BSG: variants seen among roughly 807,000 people sequenced by gnomAD.
BSG encodes basigin.
Under a neutral mutation model 43.1 loss-of-function variants are expected in BSG, and 37 were observed. That is an observed-to-expected ratio of 0.86 (90% CI 0.66 to 1.13). BSG has a LOEUF of 1.13. Ranked by LOEUF, BSG falls within the 50% of genes most tolerant of loss-of-function variation. The probability of loss-of-function intolerance (pLI) is 0.00; values close to 1 mark genes in which losing one functional copy is unlikely to be tolerated. For missense variants in BSG, 599 were observed against 554.2 expected (o/e 1.08, Z -0.81); for synonymous variants, 309 against 238.7 (o/e 1.29, Z -2.72).
chr19:582,651 TGTG>T (rs1272824190), intron 8 of BSG, 69 bp downstream of exon 8: 2 of 1,414,070 alleles, frequency 1.4e-6, no homozygotes, highest in South Asian at 2.6e-5. Context: ...CTGAGCCAGG[TGTG>T]GTGGGCGGGA....
chr19:579,265 GAAGGGGGTGCCTTCCC>G, intron 2 of BSG: 1 of 490,894 alleles, frequency 2.0e-6, no homozygotes, highest in East Asian at 4.8e-5. Flanking sequence ...GTGCCTTCCC[GAAGGGGGTGCCTTCCC>G]GAAGGGGCCT....
At chr19:579,450 G>A (rs2283574) in intron 2 of BSG, 50 bp from the exon 3 acceptor site, 180,571 of 1,606,442 alleles carry the variant, frequency 0.11, 12,536 homozygotes, top group South Asian at 0.27. Flanking sequence ...GGCAGGCAGC[G>A]CGGGCCGTGC....
In BSG at chr19:580,762, A is replaced by G; in HGVS notation, c.772A>G (p.Ile258Val). 6.2e-7 allele frequency: 1 copy of G among 1,609,120 alleles called. No homozygotes were observed. Among genetic ancestry groups the G allele is most frequent in the Non-Finnish European group, 8.5e-7 (1 of 1,178,954 alleles). Residue 258 changes from isoleucine to valine, a missense_variant, in exon 5 of 9, where the codon ATC becomes GTC. Coordinates refer to ENST00000333511, the MANE Select transcript of BSG (RefSeq NM_001728.4). ...TGTCACTGACTGGGCCTGGTACAAG[A>G]TCACTGACTCTGAGGACAAGGTGAG... Reference protein sequence around the residue: ...PPVTDWAWYKITDSEDKALMN... With the variant: ...PPVTDWAWYKVTDSEDKALMN...
chr19:578,334 A>C, intron 2 of BSG: 1 of 469,236 alleles, frequency 2.1e-6, no homozygotes, highest in Non-Finnish European at 3.7e-6. Flanking sequence ...CGGGGCAGGC[A>C]GGGCTCTGCC....
At position 580,460 on chromosome 19, in the gene BSG, C is replaced by T. The variant is rs1244674300; in HGVS notation, c.654C>T (p.His218=). Reference sequence around the variant, plus strand: ...TGGGCACGGCCAACATCCAGCTCCACGGTGAGTCCTGCAGCCAGGGGTACC... The same window carrying T: ...TGGGCACGGCCAACATCCAGCTCCATGGTGAGTCCTGCAGCCAGGGGTACC... ...EPMGTANIQL[H]GPPRVKAVKS... is the part of the protein sequence containing the mutation. The change falls in exon 4 of 9, where the codon CAC becomes CAT. Residue 218 remains histidine (H), a splice_region_variant and synonymous_variant. Transcript: ENST00000333511. 6.8e-6 allele frequency: 11 copies of T among 1,610,314 alleles called. No individual in the cohort carries two copies. The East Asian group carries it at 1.3e-4, about 20-fold the overall frequency.
chr19:573,350 C>G (rs568325308), intron 1 of BSG, among the ~76,000 whole-genome samples: 101 of 152,146 alleles, frequency 6.6e-4, no homozygotes, highest in Non-Finnish European at 1.1e-3. Context: ...GGGGCCCCCG[C>G]AAGGGCCCGT....
intron 1 of BSG, among the ~76,000 whole-genome samples, chr19:577,054 CTCCCCACGCT>C (rs1354154313): frequency 4.6e-5 from 7 of 152,186 alleles, no homozygotes; most frequent in Admixed American, 1.3e-4. Flanking sequence ...GGAGGAGGCA[CTCCCCACGCT>C]TCCCCTTGGG....
chr19:576,453 A>G (rs577780415), intron 1 of BSG, among the ~76,000 whole-genome samples: 2 of 152,338 alleles, frequency 1.3e-5, no homozygotes, highest in South Asian at 4.1e-4. Context: ...TACCAGGAGG[A>G]GATCCCTTTG....
chr19:572,846 C>G (rs1981389082), intron 1 of BSG, 145 bp downstream of exon 1: 8 of 1,019,262 alleles, frequency 7.8e-6, no homozygotes, highest in Non-Finnish European at 8.9e-6. Context: ...GCTTCCCGCG[C>G]CAGCATGGAG....
chr19:579,787 C>T (rs953617566), intron 3 of BSG, 131 bp downstream of exon 3: 24 of 1,365,558 alleles, frequency 1.8e-5, no homozygotes, highest in Admixed American at 5.5e-5. Flanking sequence ...GGACCAGCTC[C>T]GCGCAGACCC....
intron 1 of BSG, among the ~76,000 whole-genome samples, chr19:576,073 G>A (rs1012042819): frequency 2.6e-5 from 4 of 152,234 alleles, no homozygotes; most frequent in Non-Finnish European, 4.4e-5. Flanking sequence ...GAAGCTGGCG[G>A]ACCCAGCGGG....
intron 2 of BSG, among the ~76,000 whole-genome samples, chr19:578,445 A>G (rs1981980452): frequency 6.6e-6 from 1 of 152,262 alleles, no homozygotes; most frequent in South Asian, 2.1e-4. Flanking sequence ...CTGAGCGTCC[A>G]TACTGCAAGC....
chr19:582,435 G>A, intron 7 of BSG, 79 bp from the exon 8 acceptor site: 1 of 1,600,438 alleles, frequency 6.2e-7, no homozygotes. Flanking sequence ...CGGGGGTCCT[G>A]GGGGCCGGGG....
intron 2 of BSG, 144 bp downstream of exon 2, chr19:578,265 G>C: frequency 1.1e-6 from 1 of 880,734 alleles, no homozygotes; most frequent in Non-Finnish European, 1.6e-6. Flanking sequence ...TGGACGGAGG[G>C]GCCCGGACCT....
chr19:578,215 T>G, intron 2 of BSG, 94 bp downstream of exon 2: 2 of 1,237,800 alleles, frequency 1.6e-6, no homozygotes, highest in Non-Finnish European at 2.2e-6. Flanking sequence ...AGACGCCTCC[T>G]CCCCTCTCCG....
chr19:580,489 C>T, intron 4 of BSG, 28 bp downstream of exon 4: 1 of 1,608,504 alleles, frequency 6.2e-7, no homozygotes. Flanking sequence ...GGGTACCGGG[C>T]ACCACCGACT....
At chr19:575,225 T>G (rs1277651551) in intron 1 of BSG, 2 of 152,430 alleles carry the variant, frequency 1.3e-5, no homozygotes, top group Non-Finnish European at 2.9e-5. Context: ...AACCCCACTT[T>G]TGCTGGGGAC....
intron 1 of BSG, among the ~76,000 whole-genome samples, chr19:577,388 C>T (rs1981867363): frequency 6.6e-6 from 1 of 152,196 alleles, no homozygotes; most frequent in South Asian, 2.1e-4. Flanking sequence ...TTCTCAGCAG[C>T]TCACCCGGGT....
chr19:573,939 C>G (rs1034284659), intron 1 of BSG, among the ~76,000 whole-genome samples: 1 of 152,142 alleles, frequency 6.6e-6, no homozygotes, highest in Non-Finnish European at 1.5e-5. Context: ...TTGTTGAGAC[C>G]CCCATTTGGT....
Sources: allele counts gnomAD v4.1 joint callset (sites outside exome capture counted in the v4.1 genomes callset), GRCh38; gene constraint gnomAD v4.1.1; transcripts MANE v1.5; gene names NCBI Gene and HGNC (gene_info 2026-07-23, HGNC 2026-07-21).